The following HS6ST3 variants were observed in gnomAD, a reference collection of about 807,000 sequenced individuals.
HS6ST3 encodes heparan sulfate 6-O-sulfotransferase 3, also known as heparan-sulfate 6-O-sulfotransferase 3.
In HS6ST3, 12 loss-of-function variants were observed where a neutral mutation model predicts 36.7. The ratio of observed to expected loss-of-function variants is 0.33; its 90% CI spans 0.21 to 0.53. The LOEUF (loss-of-function observed/expected upper bound fraction) is 0.53. HS6ST3 is among the 20% of genes least tolerant of loss of function. The pLI is 0.95. For synonymous variants in HS6ST3, 240 were observed against 257.5 expected (o/e 0.93, Z 0.65); for missense variants, 584 against 640.9 (o/e 0.91, Z 0.96).
At chr13:96,173,269 C>G (rs1000504097) in intron 1 of HS6ST3, among the ~76,000 whole-genome samples, 2 of 152,100 alleles carry the variant, frequency 1.3e-5, no homozygotes, top group African/African-American at 4.8e-5. Flanking sequence ...CTGAGTCTCC[C>G]AGAGATTAAG....
intron 1 of HS6ST3, among the ~76,000 whole-genome samples, chr13:96,763,060 G>A (rs923723974): frequency 6.6e-6 from 1 of 152,132 alleles, no homozygotes; most frequent in Non-Finnish European, 1.5e-5. Context: ...TCACATATAT[G>A]AGATGATGTG....
At chr13:96,799,168 T>C (rs376745874) in intron 1 of HS6ST3, among the ~76,000 whole-genome samples, 3 of 152,248 alleles carry the variant, frequency 2.0e-5, no homozygotes, top group East Asian at 1.9e-4. Flanking sequence ...TAGTTCTAGA[T>C]CCCTGAGGAA....
intron 1 of HS6ST3, among the ~76,000 whole-genome samples, chr13:96,739,892 C>T (rs1438786373): frequency 6.6e-6 from 1 of 152,094 alleles, no homozygotes; most frequent in East Asian, 1.9e-4. Context: ...CCACTGTGGA[C>T]CTTGACCTCA....
chr13:96,494,458 G>T (rs2055963623), intron 1 of HS6ST3, among the ~76,000 whole-genome samples: 2 of 151,154 alleles, frequency 1.3e-5, no homozygotes, highest in South Asian at 4.2e-4. Context: ...CGAGTTAATG[G>T]GTGCAGCACA....
At chr13:96,568,630 C>T (rs1452657314) in intron 1 of HS6ST3, among the ~76,000 whole-genome samples, 1 of 152,116 alleles carries the variant, frequency 6.6e-6, no homozygotes, top group Non-Finnish European at 1.5e-5. Context: ...ATGTTCAGAC[C>T]ATAATGAACA....
chr13:96,522,679 T>TTG (rs142706328), intron 1 of HS6ST3, among the ~76,000 whole-genome samples: 107 of 150,194 alleles, frequency 7.1e-4, no homozygotes, highest in African/African-American at 1.8e-3. Context: ...ACCCCTGCTT[T>TTG]TGTGTGTGTG....
At chr13:96,284,430 G>T (rs2054790551) in intron 1 of HS6ST3, among the ~76,000 whole-genome samples, 1 of 152,194 alleles carries the variant, frequency 6.6e-6, no homozygotes, top group African/African-American at 2.4e-5. Context: ...GGAGTCTGAT[G>T]ATGTTCAAGG....
chr13:96,530,285 A>C, intron 1 of HS6ST3, among the ~76,000 whole-genome samples: 1 of 152,302 alleles, frequency 6.6e-6, no homozygotes, highest in Admixed American at 6.5e-5. Flanking sequence ...CTAGGGATTA[A>C]TGGAACATAA....
intron 1 of HS6ST3, among the ~76,000 whole-genome samples, chr13:96,634,749 AG>A (rs1770439813): frequency 6.6e-6 from 1 of 152,160 alleles, no homozygotes; most frequent in Non-Finnish European, 1.5e-5. Flanking sequence ...TCATTTGCAG[AG>A]GTGCCTGCTT....
chr13:96,414,114 G>A (rs2055521440), intron 1 of HS6ST3, among the ~76,000 whole-genome samples: 1 of 152,164 alleles, frequency 6.6e-6, no homozygotes, highest in Admixed American at 6.5e-5. Flanking sequence ...CAGTTCTTAA[G>A]TTCTCAGCTA....
At chr13:96,562,109 A>G (rs905140910) in intron 1 of HS6ST3, among the ~76,000 whole-genome samples, 2 of 152,232 alleles carry the variant, frequency 1.3e-5, no homozygotes, top group African/African-American at 4.8e-5. Flanking sequence ...TCACAATAGC[A>G]AAGACATGGA....
chr13:96,670,034 A>C (rs547553036), intron 1 of HS6ST3, among the ~76,000 whole-genome samples: 3 of 152,292 alleles, frequency 2.0e-5, no homozygotes, highest in Admixed American at 6.5e-5. Flanking sequence ...GAGTAAATGT[A>C]AAAAAGTGAA....
intron 1 of HS6ST3, among the ~76,000 whole-genome samples, chr13:96,736,578 C>T (rs1003178071): frequency 2.0e-5 from 3 of 152,048 alleles, no homozygotes; most frequent in Non-Finnish European, 4.4e-5. Flanking sequence ...ACCTAAATAG[C>T]AGAATTAACA....
chr13:96,566,446 T>C (rs1441246740), intron 1 of HS6ST3, among the ~76,000 whole-genome samples: 1 of 151,934 alleles, frequency 6.6e-6, no homozygotes, highest in Non-Finnish European at 1.5e-5. Flanking sequence ...AGCAAAAGAG[T>C]AAACATAAGA....
chr13:96,202,309 T>C (rs1243667479), intron 1 of HS6ST3, among the ~76,000 whole-genome samples: 1 of 152,198 alleles, frequency 6.6e-6, no homozygotes, highest in Non-Finnish European at 1.5e-5. Flanking sequence ...TCACATCCAG[T>C]TGAAATTTCT....
intron 1 of HS6ST3, among the ~76,000 whole-genome samples, chr13:96,780,403 A>G (rs1031867928): frequency 2.6e-5 from 4 of 152,184 alleles, no homozygotes; most frequent in African/African-American, 9.6e-5. Context: ...AGTTCTTGAC[A>G]TATTCACTCC....
chr13:96,134,951 G>A (rs2053994014), intron 1 of HS6ST3, among the ~76,000 whole-genome samples: 1 of 152,168 alleles, frequency 6.6e-6, no homozygotes, highest in Non-Finnish European at 1.5e-5. Flanking sequence ...ATTAGACTCT[G>A]CACAGTCTCA....
chr13:96,337,317 C>T (rs1187383422), intron 1 of HS6ST3, among the ~76,000 whole-genome samples: 1 of 152,136 alleles, frequency 6.6e-6, no homozygotes, highest in East Asian at 1.9e-4. Context: ...CCTCGTGATC[C>T]GCCTGTCTCG....
intron 1 of HS6ST3, among the ~76,000 whole-genome samples, chr13:96,144,645 T>A (rs971415975): frequency 7.9e-5 from 12 of 151,672 alleles, no homozygotes; most frequent in East Asian, 1.9e-4. Flanking sequence ...TTAATTAATT[T>A]TTATTATTAT....
Sources: allele counts gnomAD v4.1 joint callset (sites outside exome capture counted in the v4.1 genomes callset), GRCh38; gene constraint gnomAD v4.1.1; transcripts MANE v1.5; gene names NCBI Gene and HGNC (gene_info 2026-07-23, HGNC 2026-07-21).